The following SLC16A10 variants were observed in gnomAD, a reference collection of about 807,000 sequenced individuals.
The protein encoded by SLC16A10 is solute carrier family 16 member 10, also known as monocarboxylate transporter 10.
Under a neutral mutation model 40.0 loss-of-function variants are expected in SLC16A10, and 27 were observed. The ratio of observed to expected loss-of-function variants is 0.67; its 90% confidence interval spans 0.50 to 0.93. SLC16A10 has a LOEUF of 0.93. Ranked by LOEUF, SLC16A10 falls within the 40% of genes least tolerant of loss-of-function variation. SLC16A10 has a pLI of 0.00. For synonymous variants in SLC16A10, 213 were observed against 249.8 expected (o/e 0.85, Z 1.39); for missense variants, 529 against 658.2 (o/e 0.80, Z 2.15).
At chr6:111,101,024 A>G (rs1053115700) in intron 1 of SLC16A10, among the ~76,000 whole-genome samples, 5 of 140,336 alleles carry the variant, frequency 3.6e-5, no homozygotes, top group African/African-American at 1.3e-4. Flanking sequence ...ATATAAATAT[A>G]TGTATATATA....
At chr6:111,124,356 A>AT (rs541492469) in intron 1 of SLC16A10, among the ~76,000 whole-genome samples, 16,439 of 142,412 alleles carry the variant, frequency 0.12, 1,034 homozygotes, top group Middle Eastern at 0.18. Context: ...CAATAGAGTG[A>AT]TTTTTTTTTT....
chr6:111,130,703 G>A (rs781638189), intron 1 of SLC16A10, among the ~76,000 whole-genome samples: 3 of 152,120 alleles, frequency 2.0e-5, no homozygotes, highest in Non-Finnish European at 2.9e-5. Context: ...GGGTCCGTTG[G>A]GCTATTATCC....
At chr6:111,160,201 A>C (rs1403153617) in intron 1 of SLC16A10, among the ~76,000 whole-genome samples, 1 of 152,170 alleles carries the variant, frequency 6.6e-6, no homozygotes, top group Non-Finnish European at 1.5e-5. Flanking sequence ...TATCTAAGAA[A>C]TCTTTGCCTA....
chr6:111,127,679 T>C (rs1254380519), intron 1 of SLC16A10, among the ~76,000 whole-genome samples: 1 of 152,204 alleles, frequency 6.6e-6, no homozygotes, highest in Non-Finnish European at 1.5e-5. Flanking sequence ...ATCTGATCAT[T>C]GGATGATATT....
intron 1 of SLC16A10, among the ~76,000 whole-genome samples, chr6:111,125,013 T>C (rs1562404640): frequency 1.3e-5 from 2 of 152,240 alleles, no homozygotes; most frequent in African/African-American, 4.8e-5. Flanking sequence ...ACAGTCATAC[T>C]TTAACCTTAG....
chr6:111,155,480 G>A (rs775930795), intron 1 of SLC16A10, among the ~76,000 whole-genome samples: 1 of 152,036 alleles, frequency 6.6e-6, no homozygotes, highest in African/African-American at 2.4e-5. Flanking sequence ...GATTACAGAC[G>A]TAAGCCACCA....
intron 1 of SLC16A10, among the ~76,000 whole-genome samples, chr6:111,118,732 A>T (rs1259759591): frequency 6.6e-6 from 1 of 150,862 alleles, no homozygotes; most frequent in Admixed American, 6.6e-5. Context: ...TATGGCATTG[A>T]TGGACCACTA....
chr6:111,229,346 C>T lies in SLC16A10; in HGVS notation c.*7111C>T, dbSNP rs984564561. Reference sequence around the variant, plus strand: ...TGTTAACATATAAGACTTTAAATTACGAAACTCACAAGAAAATGATCACCA... The same window carrying T: ...TGTTAACATATAAGACTTTAAATTATGAAACTCACAAGAAAATGATCACCA... On this transcript the variant is annotated 3_prime_UTR_variant, in exon 6 of 6. Transcript: ENST00000368851. 14 of 151,994 alleles carry T rather than the reference C, an allele frequency of 9.2e-5. No individual in the cohort carries two copies. In the East Asian group the frequency reaches 2.1e-3, roughly 23 times the overall value. The allele number at this position is 151,994 out of a possible 1,614,324, so 9.4% of individuals were successfully genotyped here. A position where few individuals can be genotyped will look rare whatever the true frequency, so the allele number is the denominator to read the frequency against.
At chr6:111,171,326 G>A (rs180765976) in intron 1 of SLC16A10, among the ~76,000 whole-genome samples, 4 of 152,094 alleles carry the variant, frequency 2.6e-5, no homozygotes, top group Non-Finnish European at 5.9e-5. Context: ...TAAGATTATA[G>A]TCTTCTTTCT....
rs1489084681 is a variant in SLC16A10, at chr6:111,225,244, C to T, written c.*3009C>T. 1 of 152,154 alleles carries T rather than the reference C, an allele frequency of 6.6e-6. No homozygotes were observed. The highest frequency in any genetic ancestry group is 1.5e-5 in the Non-Finnish European group (1 of 68,038). 9.4% of individuals were successfully genotyped at this position (152,154 alleles called of 1,614,324 possible). On this transcript the variant is annotated 3_prime_UTR_variant, in exon 6 of 6. Coordinates refer to ENST00000368851, the MANE Select transcript of SLC16A10 (RefSeq NM_018593.5). Reference sequence around the variant, plus strand: ...GACTTAAAATTTCCACTGAAAATTGCATAGTTCTTGTATTAAGATTCAAAT... The same window carrying T: ...GACTTAAAATTTCCACTGAAAATTGTATAGTTCTTGTATTAAGATTCAAAT...
At position 111,218,919 on chromosome 6, in the gene SLC16A10, T is replaced by C. The variant is rs1229988137; in HGVS notation, c.1192T>C (p.Cys398Arg). The C allele has an allele frequency of 6.2e-7, 1 of 1,614,044 alleles. No homozygotes were observed. The highest frequency in any genetic ancestry group is 1.3e-5 in the African/African-American group (1 of 74,902). Residue 398 changes from cysteine to arginine, a missense_variant, in exon 5 of 6, where the codon TGC becomes CGC. Cys to Arg is a radical substitution (Grantham distance 180, BLOSUM62 -3). Coordinates refer to ENST00000368851, the MANE Select transcript of SLC16A10 (RefSeq NM_018593.5). ...CCTCATCATGGGTCTCTTCGATGGA[T>C]GCTTCATTTCCATTATGGCTCCCAT... ...VCLIMGLFDG[C>R]FISIMAPIAF...
chr6:111,129,332 G>T, intron 1 of SLC16A10, among the ~76,000 whole-genome samples: 1 of 152,154 alleles, frequency 6.6e-6, no homozygotes, highest in East Asian at 1.9e-4. Flanking sequence ...CTATCAAGCT[G>T]GTTGAGTTCA....
At chr6:111,210,673 A>T (rs1773330655) in intron 4 of SLC16A10, among the ~76,000 whole-genome samples, 1 of 152,086 alleles carries the variant, frequency 6.6e-6, no homozygotes, top group East Asian at 1.9e-4. Flanking sequence ...ATGGGAAGGG[A>T]CTGGAAAGTT....
chr6:111,222,286 G>A lies in SLC16A10; in HGVS notation c.*51G>A, dbSNP rs1297888144. 6.5e-7 allele frequency: 1 copy of A among 1,536,212 alleles called. No individual in the cohort carries two copies. Among genetic ancestry groups the A allele is most frequent in the Non-Finnish European group, 8.7e-7 (1 of 1,154,234 alleles). ...GACTTGCTTTTTGAATTTTAAGCAA[G>A]TTTCCTTTCCTTTTATACAAATTGC... On this transcript the variant is annotated 3_prime_UTR_variant, in exon 6 of 6. Coordinates refer to ENST00000368851, the MANE Select transcript of SLC16A10 (RefSeq NM_018593.5).
rs541977627 is a variant in SLC16A10 at position 111,166,060 on chromosome 6, C to G, written c.344-6635C>G. Among the ~76,000 whole-genome samples the G allele has an allele frequency of 3.3e-5, 5 of 152,240 alleles. No homozygotes were observed. The East Asian group carries it at 9.6e-4, about 29-fold the overall frequency. On this transcript the variant is annotated intron_variant, in intron 1 of 5. Coordinates refer to ENST00000368851, the MANE Select transcript of SLC16A10 (RefSeq NM_018593.5). ...ATGGGGTCCTAGGTCTGTGTTCTATCCTGTCTTACTCCTTATGACAGAACT... is the reference window on the plus strand; with the variant it reads ...ATGGGGTCCTAGGTCTGTGTTCTATGCTGTCTTACTCCTTATGACAGAACT...
At chr6:111,193,273 T>C (rs553531618) in intron 3 of SLC16A10, 2 of 985,740 alleles carry the variant, frequency 2.0e-6, no homozygotes, top group South Asian at 9.4e-5. Flanking sequence ...TTTTCTAACC[T>C]TGCATTTATT....
At chr6:111,148,761 G>A (rs1217883864) in intron 1 of SLC16A10, among the ~76,000 whole-genome samples, 1 of 152,146 alleles carries the variant, frequency 6.6e-6, no homozygotes, top group East Asian at 1.9e-4. Context: ...TGGGCAAGTT[G>A]TTTAACCAAC....
At chr6:111,193,367 A>G in intron 3 of SLC16A10, 11 of 964,968 alleles carry the variant, frequency 1.1e-5, no homozygotes, top group Non-Finnish European at 1.4e-5. Context: ...TGCCTTAGGC[A>G]GTATTCACCA....
chr6:111,185,403 G>A (rs1284105659), intron 3 of SLC16A10, among the ~76,000 whole-genome samples: 17 of 152,216 alleles, frequency 1.1e-4, no homozygotes, highest in Non-Finnish European at 2.5e-4. Context: ...GAAGAACAGA[G>A]GCCATGTTGA....
Sources: gnomAD v4.1 joint callset for allele counts (sites outside exome capture counted in the v4.1 genomes callset) on GRCh38, gnomAD v4.1.1 for gene constraint, MANE v1.5 for transcripts, NCBI Gene and HGNC (gene_info 2026-07-23, HGNC 2026-07-21) for gene names.